The following MAGEL2 variants were observed in gnomAD, a reference collection of about 807,000 sequenced individuals.
MAGEL2 encodes MAGE-like protein 2.
For missense variants in MAGEL2, 1,830 were observed against 1,699.2 expected (o/e 1.08, Z -1.35); for synonymous variants, 792 against 721.7 (o/e 1.10, Z -1.56).
chr15:23,646,027 G>A lies in MAGEL2; in HGVS notation c.1716C>T (p.Ala572=), dbSNP rs779629239. 3.0e-5 allele frequency: 46 copies of A among 1,544,724 alleles called. 1 individual carries two copies. Among genetic ancestry groups the A allele is most frequent in the South Asian group, 2.2e-4 (18 of 83,680 alleles). The change falls in exon 1 of 1, where the codon GCC becomes GCT. Residue 572 remains alanine, a synonymous_variant. Transcript: ENST00000650528. This position sits in a 1 kb window ranked among gnomAD's most constrained non-coding sequence, Gnocchi z 4.2. The part of the protein sequence containing the change: ...PQPVLPAPLS[A]PLSAPQAVHC... ...GCACAGCCTGCGGGGCAGACAGTGG[G>A]GCAGACAGCGGGGCCGGCAGCACAG...
Position 23,644,318 on chromosome 15 carries a change from T to A in MAGEL2, c.3425A>T (p.Asp1142Val). Residue 1142 changes from aspartate (D) to valine (V), a missense_variant, in exon 1 of 1, where the codon GAT (aspartate) becomes GTT (valine). Coordinates refer to ENST00000650528, the MANE Select transcript of MAGEL2 (RefSeq NM_019066.5). ...AAAGAGACCGTTTGTCTCCCGGACA[T>A]CCAACCCTAACTTGAACAGAAAATT... ...IFNFLFKLGL[D>V]VRETNGLFGN... 1 of 1,613,752 alleles carries A rather than the reference T, an allele frequency of 6.2e-7. No individual in the cohort carries two copies. The highest frequency in any genetic ancestry group is 1.1e-5 in the South Asian group (1 of 91,066).
In MAGEL2 at chr15:23,644,308, C is replaced by T. The variant is rs1355040257; in HGVS notation, c.3435G>A (p.Glu1145=). ...FLFKLGLDVR[E]TNGLFGNTKK... is the part of the protein sequence containing the mutation. ...TAGTATTTCCAAAGAGACCGTTTGT[C>T]TCCCGGACATCCAACCCTAACTTGA... The change falls in exon 1 of 1, where the codon GAG becomes GAA. Residue 1145 remains glutamate, a synonymous_variant. Transcript: ENST00000650528. 1 of 1,613,644 alleles carries T rather than the reference C, an allele frequency of 6.2e-7. No individual in the cohort carries two copies. Among genetic ancestry groups the T allele is most frequent in the African/African-American group, 1.3e-5 (1 of 74,902 alleles).
rs1334209439 is a variant in MAGEL2 at position 23,645,883 on chromosome 15, C to G, written c.1860G>C (p.Gln620His). 1.9e-6 allele frequency: 3 copies of G among 1,575,402 alleles called. No individual in the cohort carries two copies. The highest frequency in any genetic ancestry group is 1.2e-5 in the South Asian group (1 of 86,302). Residue 620 changes from glutamine to histidine, a missense_variant, in exon 1 of 1, where the codon CAG becomes CAC. By Grantham distance (24) the Gln-to-His change is conservative (BLOSUM62 0). Transcript: ENST00000650528. ...QQTQALAWQA[Q>H]KAPTHIWQPL... Reference sequence around the variant, plus strand: ...GCTGCCAGATGTGAGTGGGGGCCTTCTGGGCCTGCCAGGCCAGCGCCTGTG... The same window carrying G: ...GCTGCCAGATGTGAGTGGGGGCCTTGTGGGCCTGCCAGGCCAGCGCCTGTG...
chr15:23,644,660 A>G lies in MAGEL2; in HGVS notation c.3083T>C (p.Val1028Ala). The G allele has an allele frequency of 6.2e-7, 1 of 1,613,854 alleles. No homozygotes were observed. The change falls in exon 1 of 1, where the codon GTG becomes GCG. Residue 1028 changes from valine to alanine, a missense_variant. Coordinates refer to ENST00000650528, the MANE Select transcript of MAGEL2 (RefSeq NM_019066.5). ...SPLDERANAL[V>A]QFLLVKDQAK... ...TTGGTCCTTGACTAAGAGGAACTGCACCAACGCATTTGCCCTCTCATCCAA... is the reference window on the plus strand; with the variant it reads ...TTGGTCCTTGACTAAGAGGAACTGCGCCAACGCATTTGCCCTCTCATCCAA...
In MAGEL2 at chr15:23,647,452, G is replaced by T. The variant is rs1890444187; in HGVS notation, c.291C>A (p.Gly97=). 6.5e-7 allele frequency: 1 copy of T among 1,534,990 alleles called. No homozygotes were observed. Among genetic ancestry groups the T allele is most frequent in the African/African-American group, 1.4e-5 (1 of 73,130 alleles). Residue 97 remains glycine (G), a synonymous_variant, in exon 1 of 1, where the codon GGC becomes GGA. Coordinates refer to ENST00000650528, the MANE Select transcript of MAGEL2 (RefSeq NM_019066.5). ...GPIVPAPPLG[G]PMGKPPTPGV... ...CGGGAGTCGGAGGCTTACCCATCGG[G>T]CCCCCCAGCGGGGGAGCCGGGACTA...
In MAGEL2 at chr15:23,644,678, T is replaced by C; in HGVS notation, c.3065A>G (p.Glu1022Gly). Reference protein sequence around the residue: ...VEAQPLSPLDERANALVQFLL... With the variant: ...VEAQPLSPLDGRANALVQFLL... ...GAACTGCACCAACGCATTTGCCCTC[T>C]CATCCAAGGGAGACAAGGGCTGTGC... The change falls in exon 1 of 1, where the codon GAG becomes GGG. Residue 1022 changes from glutamate to glycine, a missense_variant. Transcript: ENST00000650528. 6.2e-7 allele frequency: 1 copy of C among 1,613,906 alleles called. No individual in the cohort carries two copies. The highest frequency in any genetic ancestry group is 8.5e-7 in the Non-Finnish European group (1 of 1,179,878).
In MAGEL2 at chr15:23,646,267, C is replaced by T. The variant is rs909345244; in HGVS notation, c.1476G>A (p.Leu492=). The T allele has an allele frequency of 1.6e-4, 217 of 1,355,176 alleles. No individual in the cohort carries two copies. The highest frequency in any genetic ancestry group is 2.0e-4 in the Non-Finnish European group (213 of 1,064,724). The allele number at this position is 1,355,176 out of a possible 1,614,324, so 83.9% of individuals were successfully genotyped here. A position where few individuals can be genotyped will look rare whatever the true frequency, so the allele number is the denominator to read the frequency against. Reference sequence around the variant, plus strand: ...GGATGGGCGGCGGCGCCTGGCGGATCAGCGGCGGGGCCTGGCGGATCACAG... The same window carrying T: ...GGATGGGCGGCGGCGCCTGGCGGATTAGCGGCGGGGCCTGGCGGATCACAG... The part of the protein sequence containing the change: ...APPVIRQAPP[L]IRQAPPPIRP... Residue 492 remains leucine (L), a synonymous_variant, in exon 1 of 1, where the codon CTG becomes CTA. Coordinates refer to ENST00000650528, the MANE Select transcript of MAGEL2 (RefSeq NM_019066.5). The surrounding 1 kb of genome is among the most constrained non-coding windows in gnomAD (Gnocchi z 4.2).
chr15:23,643,826 A>G lies in MAGEL2; in HGVS notation c.*167T>C. ...ACAGAACAGTAGCCGATTGAAATCA[A>G]CACCACATAAAAAATGTACAAAGCT... is the stretch of plus-strand genomic sequence containing the variant. On this transcript the variant is annotated 3_prime_UTR_variant, in exon 1 of 1. Coordinates refer to ENST00000650528, the MANE Select transcript of MAGEL2 (RefSeq NM_019066.5). 1.5e-6 allele frequency: 1 copy of G among 682,360 alleles called. No homozygotes were observed. Among genetic ancestry groups the G allele is most frequent in the Non-Finnish European group, 2.3e-6 (1 of 435,750 alleles). 42.3% of individuals were successfully genotyped at this position (682,360 alleles called of 1,614,324 possible). A position where few individuals can be genotyped will look rare whatever the true frequency, so the allele number is the denominator to read the frequency against.
At position 23,645,478 on chromosome 15, in the gene MAGEL2, G is replaced by C; in HGVS notation, c.2265C>G (p.Thr755=). Residue 755 remains threonine (T), a synonymous_variant, in exon 1 of 1, where the codon ACC becomes ACG. Coordinates refer to ENST00000650528, the MANE Select transcript of MAGEL2 (RefSeq NM_019066.5). Reference sequence around the variant, plus strand: ...CTGACACTGCCTTGGGAGCACAGAAGGTGGCAGCAAAGATCATGCGGTCTT... The same window carrying C: ...CTGACACTGCCTTGGGAGCACAGAACGTGGCAGCAAAGATCATGCGGTCTT... The part of the protein sequence containing the change: ...PSKDRMIFAA[T]FCAPKAVSAA... 1 of 1,613,990 alleles carries C rather than the reference G, an allele frequency of 6.2e-7. No individual in the cohort carries two copies. Among genetic ancestry groups the C allele is most frequent in the Non-Finnish European group, 8.5e-7 (1 of 1,179,904 alleles).
rs1428887085 is a variant in MAGEL2 at position 23,645,816 on chromosome 15, C to T, written c.1927G>A (p.Val643Ile). 4 of 1,588,912 alleles carry T rather than the reference C, an allele frequency of 2.5e-6. No individual in the cohort carries two copies. The highest frequency in any genetic ancestry group is 3.4e-6 in the Non-Finnish European group (4 of 1,168,970). The change falls in exon 1 of 1, where the codon GTC (valine) becomes ATC (isoleucine). Residue 643 changes from valine (V) to isoleucine (I), a missense_variant. Coordinates refer to ENST00000650528, the MANE Select transcript of MAGEL2 (RefSeq NM_019066.5). The part of the protein sequence containing the change: ...QEAQRQAPPL[V>I]QLEQPFQGAP... ...CCCTGAAAGGGCTGCTCCAGCTGGA[C>T]CAAGGGGGGAGCCTGCCTCTGGGCC...
rs964772041 is a variant in MAGEL2 at position 23,646,523 on chromosome 15, G to T, written c.1220C>A (p.Pro407Gln). The T allele has an allele frequency of 5.4e-6, 8 of 1,468,928 alleles. 1 individual carries two copies. The South Asian group carries it at 1.1e-4, about 20-fold the overall frequency. 91.0% of individuals were successfully genotyped at this position (1,468,928 alleles called of 1,614,324 possible). A position where few individuals can be genotyped will look rare whatever the true frequency, so the allele number is the denominator to read the frequency against. Reference sequence around the variant, plus strand: ...GGGCGGGGGCCCCTGGCGCATGGGCGGCGGCACCTGCCAGGTAACGGCTGG... The same window carrying T: ...GGGCGGGGGCCCCTGGCGCATGGGCTGCGGCACCTGCCAGGTAACGGCTGG... ...QAPAVTWQVP[P>Q]PMRQGPPPIR... Residue 407 changes from proline (P) to glutamine (Q), a missense_variant, in exon 1 of 1, where the codon CCG becomes CAG. Transcript: ENST00000650528. The surrounding 1 kb of genome is among the most constrained non-coding windows in gnomAD (Gnocchi z 4.2).
chr15:23,645,828 C>A lies in MAGEL2; in HGVS notation c.1915G>T (p.Ala639Ser). The A allele has an allele frequency of 6.3e-7, 1 of 1,585,828 alleles. No homozygotes were observed. The highest frequency in any genetic ancestry group is 8.6e-7 in the Non-Finnish European group (1 of 1,167,228). Reference protein sequence around the residue: ...PLPAQEAQRQAPPLVQLEQPF... With the variant: ...PLPAQEAQRQSPPLVQLEQPF... The stretch of plus-strand genomic sequence containing the variant: ...TGCTCCAGCTGGACCAAGGGGGGAG[C>A]CTGCCTCTGGGCCTCCTGGGCAGGC... The change falls in exon 1 of 1, where the codon GCT (alanine) becomes TCT (serine). Residue 639 changes from alanine to serine, a missense_variant. Transcript: ENST00000650528.
chr15:23,646,740 G>T lies in MAGEL2; in HGVS notation c.1003C>A (p.Pro335Thr), dbSNP rs1054820321. The change falls in exon 1 of 1, where the codon CCT becomes ACT. Residue 335 changes from proline (P) to threonine (T), a missense_variant. Pro to Thr is a conservative substitution (Grantham distance 38). Coordinates refer to ENST00000650528, the MANE Select transcript of MAGEL2 (RefSeq NM_019066.5). This position sits in a 1 kb window ranked among gnomAD's most constrained non-coding sequence, Gnocchi z 4.2. ...PMASWAPQAQ[P>T]LILQIQSQVI... ...TGAGACTGGATTTGCAGGATCAGAGGCTGAGCCTGCGGGGCCCAAGAAGCC... is the reference window on the plus strand; with the variant it reads ...TGAGACTGGATTTGCAGGATCAGAGTCTGAGCCTGCGGGGCCCAAGAAGCC... 2.0e-6 allele frequency: 3 copies of T among 1,534,592 alleles called. No individual in the cohort carries two copies. The highest frequency in any genetic ancestry group is 2.6e-6 in the Non-Finnish European group (3 of 1,146,034).
Position 23,645,086 on chromosome 15 carries a change from G to T in MAGEL2, c.2657C>A (p.Thr886Asn). The change falls in exon 1 of 1, where the codon ACC becomes AAC. Residue 886 changes from threonine to asparagine, a missense_variant. Transcript: ENST00000650528. ...VEPPRRSGKA[T>N]RKKKHLEAQE... ...GGCTTCCAGATGCTTCTTCTTCCGG[G>T]TGGCCTTGCCGGAGCGGCGTGGCGG... The T allele has an allele frequency of 1.2e-6, 2 of 1,613,908 alleles. No homozygotes were observed. The highest frequency in any genetic ancestry group is 1.7e-6 in the Non-Finnish European group (2 of 1,179,898).
Position 23,645,957 on chromosome 15 carries a change from C to A in MAGEL2, c.1786G>T (p.Val596Leu). The change falls in exon 1 of 1, where the codon GTG becomes TTG. Residue 596 changes from valine (V) to leucine (L), a missense_variant. By Grantham distance (32) the Val-to-Leu change is conservative (BLOSUM62 1). Coordinates refer to ENST00000650528, the MANE Select transcript of MAGEL2 (RefSeq NM_019066.5). ...IWQAPKGQPP[V>L]PHEIPTSMEF... ...ATTGACGTTGGAATCTCGTGTGGCA[C>A]CGGGGGCTGACCTTTGGGGGCCTGC... 6.4e-7 allele frequency: 1 copy of A among 1,565,478 alleles called. No individual in the cohort carries two copies. Among genetic ancestry groups the A allele is most frequent in the Non-Finnish European group, 8.7e-7 (1 of 1,154,706 alleles).
chr15:23,645,856 G>A lies in MAGEL2; in HGVS notation c.1887C>T (p.Pro629=), dbSNP rs112088736. The A allele has an allele frequency of 1.2e-4, 195 of 1,579,324 alleles. No individual in the cohort carries two copies. In the African/African-American group the frequency reaches 2.2e-3, roughly 17 times the overall value. ...AQKAPTHIWQ[P]LPAQEAQRQA... ...GCCTCTGGGCCTCCTGGGCAGGCAG[G>A]GGCTGCCAGATGTGAGTGGGGGCCT... The change falls in exon 1 of 1, where the codon CCC becomes CCT. Residue 629 remains proline, a synonymous_variant. Coordinates refer to ENST00000650528, the MANE Select transcript of MAGEL2 (RefSeq NM_019066.5).
In MAGEL2 at chr15:23,646,463, G is replaced by T; in HGVS notation, c.1280C>A (p.Pro427Gln). The T allele has an allele frequency of 7.0e-7, 1 of 1,429,182 alleles. No individual in the cohort carries two copies. The highest frequency in any genetic ancestry group is 9.1e-7 in the Non-Finnish European group (1 of 1,099,402). The allele number at this position is 1,429,182 out of a possible 1,614,324, so 88.5% of individuals were successfully genotyped here. The part of the protein sequence containing the change: ...RPGPPPIRPG[P>Q]PPVRQAPPLI... ...CGGTGGGGCCTGTCGCACCGGTGGT[G>T]GGCCAGGGCGGATGGGTGGTGGGCC... The change falls in exon 1 of 1, where the codon CCA becomes CAA. Residue 427 changes from proline (P) to glutamine (Q), a missense_variant. Pro to Gln is a moderately conservative substitution (Grantham distance 76). Transcript: ENST00000650528. The surrounding 1 kb of genome is among the most constrained non-coding windows in gnomAD (Gnocchi z 4.2).
rs768243220 is a variant in MAGEL2, at chr15:23,644,008, C to T, written c.3735G>A (p.Arg1245=). 5.0e-6 allele frequency: 8 copies of T among 1,597,632 alleles called. No individual in the cohort carries two copies. The highest frequency in any genetic ancestry group is 6.8e-6 in the Non-Finnish European group (8 of 1,169,924). ...TGDSAHGPTS[R]PPPR Reference sequence around the variant, plus strand: ...GCTACACCTATTAGCGGGGAGGGGGCCTGCTGGTGGGGCCGTGGGCACTGT... The same window carrying T: ...GCTACACCTATTAGCGGGGAGGGGGTCTGCTGGTGGGGCCGTGGGCACTGT... Residue 1245 remains arginine, a synonymous_variant, in exon 1 of 1, where the codon AGG becomes AGA. Coordinates refer to ENST00000650528, the MANE Select transcript of MAGEL2 (RefSeq NM_019066.5).
Position 23,644,423 on chromosome 15 carries a change from C to G in MAGEL2, c.3320G>C (p.Arg1107Thr). Reference sequence around the variant, plus strand: ...CACCATCAGAAGGCCAAACTTGGGCCTGTCTAAATAGGATGCCACCAAATT... The same window carrying G: ...CACCATCAGAAGGCCAAACTTGGGCGTGTCTAAATAGGATGCCACCAAATT... ...TGNLVASYLDRPKFGLLMVVL... is the reference protein window; with the variant it reads ...TGNLVASYLDTPKFGLLMVVL... The change falls in exon 1 of 1, where the codon AGG becomes ACG. Residue 1107 changes from arginine to threonine, a missense_variant. Arg to Thr is a moderately conservative substitution (Grantham distance 71, BLOSUM62 -1). Coordinates refer to ENST00000650528, the MANE Select transcript of MAGEL2 (RefSeq NM_019066.5). 6.2e-7 allele frequency: 1 copy of G among 1,613,904 alleles called. No individual in the cohort carries two copies. The highest frequency in any genetic ancestry group is 8.5e-7 in the Non-Finnish European group (1 of 1,179,884).
Sources: gnomAD v4.1 joint callset for allele counts on GRCh38, gnomAD v4.1.1 for gene constraint, Gnocchi (gnomAD v3.1) non-coding constraint, MANE v1.5 for transcripts, NCBI Gene and HGNC (gene_info 2026-07-23, HGNC 2026-07-21) for gene names.